Variants in RXYLT1 observed in about 807,000 individuals in gnomAD.
RXYLT1 encodes the protein ribitol xylosyltransferase 1.
A neutral mutation model predicts 43.5 loss-of-function variants in RXYLT1; 41 were observed. The observed-to-expected ratio is 0.94, with a 90% CI of 0.73 to 1.22. The LOEUF is 1.22. RXYLT1 is among the 50% of genes most tolerant of loss of function. The pLI is 0.00. For synonymous variants in RXYLT1, 166 were observed against 194.4 expected (o/e 0.85, Z 1.21); for missense variants, 514 against 532.0 (o/e 0.97, Z 0.33).
intron 3 of RXYLT1, among the ~76,000 whole-genome samples, chr12:63,791,527 T>G (rs186341660): frequency 3.9e-5 from 6 of 152,340 alleles, no homozygotes; most frequent in African/African-American, 1.4e-4. Flanking sequence ...AGAAGTTAGC[T>G]CACTATGAAT....
In RXYLT1 at chr12:63,780,037, A is replaced by G. The variant is rs1019967024; in HGVS notation, c.77A>G (p.His26Arg). The change falls in exon 1 of 6, where the codon CAC becomes CGC. Residue 26 changes from histidine to arginine, a missense_variant. By Grantham distance (29) the His-to-Arg change is conservative. Coordinates refer to ENST00000261234, the MANE Select transcript of RXYLT1 (RefSeq NM_014254.3). ...YCLFSLYAAYHVFFGRRRQAP... is the reference protein window; with the variant it reads ...YCLFSLYAAYRVFFGRRRQAP... ...CTATTCTCCCTCTACGCTGCCTACCACGTCTTCTTCGGGCGCCGCCGCCAG... is the reference window on the plus strand; with the variant it reads ...CTATTCTCCCTCTACGCTGCCTACCGCGTCTTCTTCGGGCGCCGCCGCCAG... 2.0e-5 allele frequency: 32 copies of G among 1,594,160 alleles called. No individual in the cohort carries two copies. Among genetic ancestry groups the G allele is most frequent in the Non-Finnish European group, 2.7e-5 (32 of 1,170,006 alleles).
At chr12:63,786,712 A>G (rs976634621) in intron 3 of RXYLT1, among the ~76,000 whole-genome samples, 13 of 152,194 alleles carry the variant, frequency 8.5e-5, no homozygotes, top group African/African-American at 3.1e-4. Context: ...AAAATAAGAC[A>G]ACAATGAAGT....
intron 3 of RXYLT1, chr12:63,795,735 A>G (rs765161005): frequency 2.6e-5 from 4 of 152,136 alleles, no homozygotes; most frequent in Non-Finnish European, 4.4e-5. Flanking sequence ...TTTCTCCTCT[A>G]TTTGAGCATT....
intron 3 of RXYLT1, among the ~76,000 whole-genome samples, chr12:63,794,948 A>G (rs1015099730): frequency 6.6e-6 from 1 of 152,046 alleles, no homozygotes; most frequent in Non-Finnish European, 1.5e-5. Flanking sequence ...TTGGTATGTT[A>G]ATGTATGGGT....
intron 3 of RXYLT1, among the ~76,000 whole-genome samples, chr12:63,794,015 G>A (rs768282583): frequency 6.6e-6 from 1 of 152,166 alleles, no homozygotes; most frequent in Admixed American, 6.5e-5. Context: ...CTCAACTACC[G>A]AGCAAAGAGA....
At chr12:63,803,042 C>T (rs1898199410) in intron 4 of RXYLT1, among the ~76,000 whole-genome samples, 1 of 150,814 alleles carries the variant, frequency 6.6e-6, no homozygotes, top group Admixed American at 6.6e-5. Flanking sequence ...GGCATGGTGA[C>T]ATGGACTCCT....
chr12:63,805,255 G>T lies in RXYLT1; in HGVS notation c.765G>T (p.Val255=). The T allele has an allele frequency of 6.2e-7, 1 of 1,600,222 alleles. No individual in the cohort carries two copies. Among genetic ancestry groups the T allele is most frequent in the South Asian group, 1.1e-5 (1 of 87,674 alleles). The change falls in exon 5 of 6, where the codon GTG becomes GTT. Residue 255 remains valine (V), a synonymous_variant. Coordinates refer to ENST00000261234, the MANE Select transcript of RXYLT1 (RefSeq NM_014254.3). ...GVATYRNFPV[V]EASWSMLHDE... is the part of the protein sequence containing the mutation. ...ATAGATACAGGAATTTTCCTGTGGT[G>T]GAGGCAAGTTGGTCAATGCTGCATG...
chr12:63,781,255 T>A, intron 2 of RXYLT1, 81 bp downstream of exon 2: 2 of 1,290,030 alleles, frequency 1.6e-6, no homozygotes, highest in South Asian at 4.5e-5. Context: ...TTTAATATAA[T>A]TTATTTCATA....
In RXYLT1 at chr12:63,808,901, G is replaced by T. The variant is rs1218706813; in HGVS notation, c.1141G>T (p.Ala381Ser). The T allele has an allele frequency of 6.2e-7, 1 of 1,614,100 alleles. No homozygotes were observed. The highest frequency in any genetic ancestry group is 1.3e-5 in the African/African-American group (1 of 75,044). Residue 381 changes from alanine (A) to serine (S), a missense_variant, in exon 6 of 6, where the codon GCT (alanine) becomes TCT (serine). Ala to Ser is a moderately conservative substitution (Grantham distance 99). Coordinates refer to ENST00000261234, the MANE Select transcript of RXYLT1 (RefSeq NM_014254.3). The stretch of plus-strand genomic sequence containing the variant: ...TCTGCAGTTACTCAAGTCCATGGGT[G>T]CTCCCTTTATCTTTATCAAGAACTG... Reference protein sequence around the residue: ...APLQLLKSMGAPFIFIKNWKE... With the variant: ...APLQLLKSMGSPFIFIKNWKE...
intron 5 of RXYLT1, chr12:63,805,945 T>C (rs1218391525): frequency 6.6e-6 from 1 of 152,236 alleles, no homozygotes. Flanking sequence ...AATGTCTTCT[T>C]TTATGTAGTA....
chr12:63,785,193 T>C (rs1897774036), intron 3 of RXYLT1, 121 bp downstream of exon 3: 1 of 590,210 alleles, frequency 1.7e-6, no homozygotes, highest in Non-Finnish European at 2.7e-6. Flanking sequence ...TATTTCAACT[T>C]GTAAAGAATA....
chr12:63,796,239 C>T (rs1435646798), intron 3 of RXYLT1, among the ~76,000 whole-genome samples: 1 of 152,170 alleles, frequency 6.6e-6, no homozygotes, highest in Non-Finnish European at 1.5e-5. Flanking sequence ...CCTTACAGTT[C>T]AGTTCAGGTT....
At chr12:63,801,999 G>A (rs948367433) in intron 3 of RXYLT1, 92 bp from the exon 4 acceptor site, 1 of 1,205,186 alleles carries the variant, frequency 8.3e-7, no homozygotes, top group Admixed American at 2.7e-5. Flanking sequence ...AAATCTCATT[G>A]TAGATTTTGT....
At chr12:63,790,521 T>C (rs573245009) in intron 3 of RXYLT1, 27 of 152,364 alleles carry the variant, frequency 1.8e-4, no homozygotes, top group Admixed American at 7.2e-4. Flanking sequence ...CTATCTTTGT[T>C]CAAATTCTTT....
At chr12:63,793,717 C>T (rs771748423) in intron 3 of RXYLT1, among the ~76,000 whole-genome samples, 31 of 151,888 alleles carry the variant, frequency 2.0e-4, no homozygotes, top group Admixed American at 1.3e-4. Context: ...TATTTATGAC[C>T]AAAAGGAATA....
intron 3 of RXYLT1, among the ~76,000 whole-genome samples, chr12:63,796,710 A>G (rs1898039067): frequency 6.6e-6 from 1 of 152,198 alleles, no homozygotes; most frequent in Admixed American, 6.5e-5. Context: ...AAAGAATTAA[A>G]TTGTTTGTTA....
chr12:63,797,107 G>C (rs1898052640), intron 3 of RXYLT1, among the ~76,000 whole-genome samples: 1 of 151,828 alleles, frequency 6.6e-6, no homozygotes, highest in South Asian at 2.1e-4. Flanking sequence ...GGGATTACAG[G>C]CACCTGCCAC....
intron 2 of RXYLT1, among the ~76,000 whole-genome samples, chr12:63,784,645 A>G (rs1897759982): frequency 6.6e-6 from 1 of 152,246 alleles, no homozygotes. Flanking sequence ...TTGTAATATA[A>G]TACATTTCAT....
intron 3 of RXYLT1, among the ~76,000 whole-genome samples, chr12:63,799,579 C>G (rs547022060): frequency 5.0e-4 from 76 of 152,170 alleles, no homozygotes; most frequent in African/African-American, 1.7e-3. Context: ...GCATGAGCCA[C>G]CACACCCAGC....
Sources: gnomAD v4.1 joint callset for allele counts (sites outside exome capture counted in the v4.1 genomes callset) on GRCh38, gnomAD v4.1.1 for gene constraint, MANE v1.5 for transcripts, NCBI Gene and HGNC (gene_info 2026-07-23, HGNC 2026-07-21) for gene names.